The following RORA variants were observed in gnomAD, a reference collection of about 807,000 sequenced individuals.
RORA encodes the protein nuclear receptor ROR-alpha.
RORA carries 7 observed loss-of-function variants against 69.5 expected under a neutral mutation model. That is an observed-to-expected ratio of 0.10 (90% CI 0.06 to 0.19). RORA has a LOEUF of 0.19. RORA is among the 10% of genes least tolerant of loss of function. The probability of loss-of-function intolerance (pLI) is 1.00; values close to 1 mark genes in which losing one functional copy is unlikely to be tolerated. For missense variants in RORA, 457 were observed against 663.0 expected, an observed-to-expected ratio of 0.69 and a Z score of 3.41; for synonymous variants, 261 against 240.8, an observed-to-expected ratio of 1.08 and a Z score of -0.78.
chr15:60,516,316 C>G (rs1226311393), intron 3 of RORA, among the ~76,000 whole-genome samples: 11 of 128,392 alleles, frequency 8.6e-5, no homozygotes, highest in Admixed American at 3.0e-4. Flanking sequence ...CCAGGCCTGT[C>G]TTGAACTCCT....
intron 1 of RORA, among the ~76,000 whole-genome samples, chr15:61,136,632 C>T (rs978097083): frequency 5.9e-5 from 9 of 152,098 alleles, no homozygotes; most frequent in Non-Finnish European, 1.2e-4. Context: ...GAAGTGGAGA[C>T]GCAGTCGAAA....
intron 2 of RORA, among the ~76,000 whole-genome samples, chr15:60,662,527 G>A (rs1032693925): frequency 2.6e-5 from 4 of 152,098 alleles, no homozygotes; most frequent in African/African-American, 7.2e-5. Context: ...ATGTGTTAAC[G>A]CTCTGGAATG....
chr15:61,029,469 A>G (rs1371345952), intron 1 of RORA, among the ~76,000 whole-genome samples: 3 of 152,136 alleles, frequency 2.0e-5, no homozygotes, highest in African/African-American at 7.2e-5. Flanking sequence ...AGGGAAGAGG[A>G]AAGGACACAA....
At chr15:60,647,154 G>C (rs1344897004) in intron 2 of RORA, among the ~76,000 whole-genome samples, 1 of 152,170 alleles carries the variant, frequency 6.6e-6, no homozygotes, top group Admixed American at 6.5e-5. Flanking sequence ...TCTGGGTATA[G>C]CTTGCCAACT....
At chr15:60,624,922 A>G (rs1274718254) in intron 2 of RORA, among the ~76,000 whole-genome samples, 1 of 152,142 alleles carries the variant, frequency 6.6e-6, no homozygotes. Flanking sequence ...TGGAAAAATT[A>G]ACCAAGAAAT....
chr15:60,978,578 C>T (rs1026774593), intron 1 of RORA, among the ~76,000 whole-genome samples: 2 of 152,078 alleles, frequency 1.3e-5, no homozygotes, highest in African/African-American at 4.8e-5. Flanking sequence ...TGGTGTGACA[C>T]TTAAGAAACT....
chr15:60,802,205 T>G (rs1339217239), intron 1 of RORA, among the ~76,000 whole-genome samples: 1 of 152,234 alleles, frequency 6.6e-6, no homozygotes, highest in Non-Finnish European at 1.5e-5. Context: ...ACAGGCTACA[T>G]GATCATGGGT....
chr15:60,689,889 G>A (rs535859708), intron 1 of RORA, among the ~76,000 whole-genome samples: 39 of 152,270 alleles, frequency 2.6e-4, no homozygotes, highest in Non-Finnish European at 4.6e-4. Flanking sequence ...TTCAGAGGGA[G>A]CAAGGCTCTG....
chr15:61,172,115 C>T (rs1003409636), intron 1 of RORA, among the ~76,000 whole-genome samples: 1 of 151,916 alleles, frequency 6.6e-6, no homozygotes, highest in Non-Finnish European at 1.5e-5. Context: ...GAATATATTT[C>T]CATGAGAAAA....
In RORA at chr15:61,105,001, C is replaced by CG. The variant is rs544688980; in HGVS notation, c.166+124051_166+124052insC. On this transcript the variant is annotated intron_variant, in intron 1 of 10. Transcript: ENST00000335670. ...TCTGCCATGATCATGAGGCGCCCCCCCCACCGCCCAGCCACGTGGAACTCT... is the reference window on the plus strand; with the variant it reads ...TCTGCCATGATCATGAGGCGCCCCCCGCCACCGCCCAGCCACGTGGAACTCT... Among the ~76,000 whole-genome samples the CG allele has an allele frequency of 1.3e-3, 192 of 143,548 alleles. 1 individual carries two copies. Among genetic ancestry groups the CG allele is most frequent in the African/African-American group, 4.5e-3 (179 of 40,040 alleles). 94.2% of individuals were successfully genotyped at this position (143,548 alleles called of 152,430 possible).
intron 1 of RORA, among the ~76,000 whole-genome samples, chr15:61,217,016 G>T (rs1035348939): frequency 6.6e-6 from 1 of 152,144 alleles, no homozygotes; most frequent in East Asian, 1.9e-4. Context: ...AAGAGAGGCA[G>T]AAGTCACACA....
chr15:60,773,169 A>G (rs2072103966), intron 1 of RORA, among the ~76,000 whole-genome samples: 2 of 152,186 alleles, frequency 1.3e-5, no homozygotes, highest in African/African-American at 4.8e-5. Context: ...CCATCTTGAC[A>G]AGTCTATGAA....
intron 5 of RORA, among the ~76,000 whole-genome samples, chr15:60,509,277 T>C (rs960149743): frequency 6.6e-6 from 1 of 152,220 alleles, no homozygotes; most frequent in African/African-American, 2.4e-5. Flanking sequence ...TCCAGATAAA[T>C]GCTAGTTTAG....
chr15:60,619,094 TCC>T (rs1442324192), intron 2 of RORA, among the ~76,000 whole-genome samples: 3 of 152,234 alleles, frequency 2.0e-5, no homozygotes, highest in Admixed American at 1.3e-4. Context: ...ACATGGATTG[TCC>T]CTTCTTGTGC....
chr15:61,214,437 G>A (rs1465466001), intron 1 of RORA, among the ~76,000 whole-genome samples: 1 of 152,182 alleles, frequency 6.6e-6, no homozygotes, highest in Non-Finnish European at 1.5e-5. Flanking sequence ...GGCTTATGAA[G>A]CAAATTCGCT....
At chr15:61,179,533 A>G (rs71411445) in intron 1 of RORA, among the ~76,000 whole-genome samples, 1 of 152,196 alleles carries the variant, frequency 6.6e-6, no homozygotes, top group Non-Finnish European at 1.5e-5. Context: ...CTCTATTTTC[A>G]GTTCTTGGAT....
rs1379612339 is a variant in RORA at position 60,493,141 on chromosome 15, A to ATAAC, written c.*4310_*4313dup. On this transcript the variant is annotated 3_prime_UTR_variant, in exon 11 of 11. Coordinates refer to ENST00000335670, the MANE Select transcript of RORA (RefSeq NM_134261.3). ...AGTCAGCACAAAGAACTGTCAGAAA[A>ATAAC]TAACTTTTTATTATTATCTTAAAAT... is the stretch of plus-strand genomic sequence containing the variant. 1 of 152,170 alleles carries ATAAC rather than the reference A, an allele frequency of 6.6e-6. No individual in the cohort carries two copies. The highest frequency in any genetic ancestry group is 2.1e-4 in the South Asian group (1 of 4,824). The allele number at this position is 152,170 out of a possible 1,614,324, so 9.4% of individuals were successfully genotyped here.
chr15:61,059,220 GC>G (rs1166618892), intron 1 of RORA, among the ~76,000 whole-genome samples: 1 of 152,222 alleles, frequency 6.6e-6, no homozygotes, highest in Non-Finnish European at 1.5e-5. Context: ...CTCAGGGGAT[GC>G]CCCTATGTAG....
chr15:60,763,435 T>C (rs1172215926), intron 1 of RORA, among the ~76,000 whole-genome samples: 1 of 152,192 alleles, frequency 6.6e-6, no homozygotes, highest in Non-Finnish European at 1.5e-5. Context: ...TATTTTTCCT[T>C]AACTTTCTTT....
Sources: gnomAD v4.1 joint callset for allele counts (sites outside exome capture counted in the v4.1 genomes callset) on GRCh38, gnomAD v4.1.1 for gene constraint, MANE v1.5 for transcripts, NCBI Gene and HGNC (gene_info 2026-07-23, HGNC 2026-07-21) for gene names.